Variants in CAMKK2 observed in about 807,000 individuals in gnomAD.
CAMKK2 encodes calcium/calmodulin dependent protein kinase kinase 2.
Under a neutral mutation model 67.2 loss-of-function variants are expected in CAMKK2, and 30 were observed. The observed-to-expected ratio is 0.45, with a 90% CI of 0.33 to 0.61. The LOEUF (loss-of-function observed/expected upper bound fraction) is 0.61, where lower values mean the gene tolerates loss of function less well. CAMKK2 is among the 20% of genes least tolerant of loss of function. CAMKK2 has a pLI of 0.02. For missense variants in CAMKK2, 643 were observed against 802.0 expected (o/e 0.80, Z 2.39); for synonymous variants, 322 against 326.2 (o/e 0.99, Z 0.14).
At chr12:121,271,078 C>T (rs756846035) in intron 2 of CAMKK2, 133 bp from the exon 3 acceptor site, 34 of 687,578 alleles carry the variant, frequency 4.9e-5, no homozygotes, top group Non-Finnish European at 8.0e-5. Context: ...AGTTCCAGAC[C>T]AGCCTGGCCA....
chr12:121,256,646 A>G (rs1892354255), intron 7 of CAMKK2, among the ~76,000 whole-genome samples: 1 of 152,138 alleles, frequency 6.6e-6, no homozygotes, highest in African/African-American at 2.4e-5. Flanking sequence ...ATGGAATTGT[A>G]CACTATGTGG....
chr12:121,260,718 C>T (rs1474542195), intron 6 of CAMKK2, among the ~76,000 whole-genome samples: 1 of 152,028 alleles, frequency 6.6e-6, no homozygotes, highest in East Asian at 1.9e-4. Context: ...TTTGGGAGGC[C>T]GAGGCGGGCG....
At chr12:121,255,235 T>TATATATATAA (rs1403218346) in intron 9 of CAMKK2, among the ~76,000 whole-genome samples, 163 of 5,110 alleles carry the variant, frequency 0.032, 17 homozygotes, top group African/African-American at 0.12. Context: ...TATATATAAT[T>TATATATATAA]TTATATATAT....
In CAMKK2 at chr12:121,240,739, A is replaced by ATGCG; in HGVS notation, c.1723_1726dup (p.Met576ThrfsTer39). 6.2e-7 allele frequency: 1 copy of ATGCG among 1,609,132 alleles called. No homozygotes were observed. Among genetic ancestry groups the ATGCG allele is most frequent in the East Asian group, 2.2e-5 (1 of 44,870 alleles). On this transcript the variant is annotated frameshift_variant, in exon 17 of 17. Transcript: ENST00000404169. LOFTEE classifies it high-confidence loss of function. The surrounding 1 kb of genome is among the most constrained non-coding windows in gnomAD (Gnocchi z 4.4). ...GGCCTCCTCCGGCCGCAGTGGATGC[A>ATGCG]TGCGTGCGGGGGAGCCGGGGGCGGG...
At position 121,248,623 on chromosome 12, in the gene CAMKK2, G is replaced by A; in HGVS notation, c.1435C>T (p.Pro479Ser). The A allele has an allele frequency of 6.2e-7, 1 of 1,614,200 alleles. No homozygotes were observed. The highest frequency in any genetic ancestry group is 1.7e-5 in the Admixed American group (1 of 60,036). The change falls in exon 14 of 17, where the codon CCC (proline) becomes TCC (serine). Residue 479 changes from proline (P) to serine (S), a missense_variant. By Grantham distance (74) the Pro-to-Ser change is moderately conservative (BLOSUM62 -1). Around this residue, in one of 3 missense-constraint regions of CAMKK2, gnomAD observed 20 missense variants for 52.0 expected, o/e 0.38. Transcript: ENST00000404169. The part of the protein sequence containing the change: ...EEVENSVKHI[P>S]SLATVILVKT... ...CACCTTACCACGGTTGCCAAGCTGGGAATGTGTTTGACTGAGTTCTCGACC... is the reference window on the plus strand; with the variant it reads ...CACCTTACCACGGTTGCCAAGCTGGAAATGTGTTTGACTGAGTTCTCGACC...
In CAMKK2 at chr12:121,255,304, T is replaced by TATATATAATTTTATATATAATTA; in HGVS notation, c.907+245_907+246insTAATTATATATAAAATTATATAT. ...TATATATATAATTATATATATAATT[T>TATATATAATTTTATATATAATTA]TATATATAATTTTATATATATATAA... On this transcript the variant is annotated intron_variant, in intron 9 of 16. Coordinates refer to ENST00000404169, the MANE Select transcript of CAMKK2 (RefSeq NM_001270485.2). Among the ~76,000 whole-genome samples the TATATATAATTTTATATATAATTA allele has an allele frequency of 5.7e-3, 34 of 6,000 alleles. 4 individuals are homozygous for TATATATAATTTTATATATAATTA. The highest frequency in any genetic ancestry group is 9.6e-3 in the East Asian group (1 of 104). 3.9% of individuals were successfully genotyped at this position (6,000 alleles called of 152,430 possible). A position where few individuals can be genotyped will look rare whatever the true frequency, so the allele number is the denominator to read the frequency against.
Position 121,239,831 on chromosome 12 carries a change from A to C in CAMKK2, c.*868T>G, listed in dbSNP as rs1566021852. On this transcript the variant is annotated 3_prime_UTR_variant, in exon 17 of 17. Transcript: ENST00000404169. ...GTGCTCTAGAGTTCACTCTAGTTAG[A>C]GACTTGAAAAATGTTTTTGTTTAAT... 1 of 152,736 alleles carries C rather than the reference A, an allele frequency of 6.5e-6. No homozygotes were observed. Among genetic ancestry groups the C allele is most frequent in the Non-Finnish European group, 1.5e-5 (1 of 68,454 alleles). The allele number at this position is 152,736 out of a possible 1,614,324, so 9.5% of individuals were successfully genotyped here.
upstream of CAMKK2, chr12:121,297,801 C>A (rs139343593): frequency 9.0e-4 from 411 of 458,328 alleles, 4 homozygotes; most frequent in African/African-American, 7.2e-3. Context: ...TCTTGTATTT[C>A]TAGGCCGTAG....
intron 1 of CAMKK2, among the ~76,000 whole-genome samples, chr12:121,287,195 T>C (rs1283839743): frequency 6.6e-6 from 1 of 152,200 alleles, no homozygotes; most frequent in East Asian, 1.9e-4. Flanking sequence ...CATGAGCCAC[T>C]GTGCCTAGCT....
intron 16 of CAMKK2, among the ~76,000 whole-genome samples, chr12:121,242,933 G>A (rs535190685): frequency 4.1e-4 from 63 of 152,048 alleles, no homozygotes; most frequent in African/African-American, 1.4e-3. Flanking sequence ...TAGTAGAGAC[G>A]GGGTTTCACT....
chr12:121,243,888 G>A, intron 16 of CAMKK2: 1 of 1,384,024 alleles, frequency 7.2e-7, no homozygotes, highest in Non-Finnish European at 9.4e-7. Flanking sequence ...TAGCCATGAT[G>A]TGCTCAGTGG....
chr12:121,289,764 G>A (rs138861770), intron 1 of CAMKK2, among the ~76,000 whole-genome samples: 111 of 152,166 alleles, frequency 7.3e-4, no homozygotes, highest in Non-Finnish European at 1.2e-3. Context: ...GTGATGGGAC[G>A]TGCCTGTAAT....
In CAMKK2 at chr12:121,239,214, C is replaced by A. The variant is rs1887966582; in HGVS notation, c.*1485G>T. 1.3e-5 allele frequency: 2 copies of A among 152,168 alleles called. No individual in the cohort carries two copies. Among genetic ancestry groups the A allele is most frequent in the Non-Finnish European group, 2.9e-5 (2 of 68,052 alleles). 9.4% of individuals were successfully genotyped at this position (152,168 alleles called of 1,614,324 possible). A position where few individuals can be genotyped will look rare whatever the true frequency, so the allele number is the denominator to read the frequency against. On this transcript the variant is annotated 3_prime_UTR_variant, in exon 17 of 17. Transcript: ENST00000404169. The stretch of plus-strand genomic sequence containing the variant: ...ATGGGGAAGCAGAGTTTCCCGGTGC[C>A]GTCTTTCCCCAGCCCAGATTCCACC...
chr12:121,273,141 A>G (rs973222853), intron 2 of CAMKK2, among the ~76,000 whole-genome samples: 1 of 152,148 alleles, frequency 6.6e-6, no homozygotes, highest in Non-Finnish European at 1.5e-5. Context: ...GAAAGCAAAT[A>G]GGGCCATGGG....
upstream of CAMKK2, chr12:121,296,824 G>T (rs1291977488): frequency 6.1e-5 from 9 of 147,988 alleles, no homozygotes; most frequent in Admixed American, 6.0e-4. The surrounding 1 kb of genome is among the most constrained non-coding windows in gnomAD (Gnocchi z 7.1). Context: ...CGCGGGGATT[G>T]GCCACGGCGG....
chr12:121,293,927 TTTTTG>T (rs547310614), intron 1 of CAMKK2, among the ~76,000 whole-genome samples: 90 of 151,836 alleles, frequency 5.9e-4, no homozygotes, highest in Non-Finnish European at 1.0e-3. Context: ...GGGTGATTTT[TTTTTG>T]TTTTTTGTTT....
At chr12:121,242,342 CAA>C (rs111365408) in intron 16 of CAMKK2, among the ~76,000 whole-genome samples, 5 of 126,774 alleles carry the variant, frequency 3.9e-5, no homozygotes, top group African/African-American at 2.9e-5. Context: ...GACCCTGTCT[CAA>C]AAAAAAAAAA....
At chr12:121,257,842 C>G (rs1212459612) in intron 7 of CAMKK2, among the ~76,000 whole-genome samples, 1 of 152,106 alleles carries the variant, frequency 6.6e-6, no homozygotes, top group Non-Finnish European at 1.5e-5. Context: ...TCTTCACTTG[C>G]AAGCTTCATG....
chr12:121,257,964 G>T (rs1278184579), intron 7 of CAMKK2, among the ~76,000 whole-genome samples: 2 of 151,846 alleles, frequency 1.3e-5, no homozygotes, highest in Admixed American at 6.6e-5. Context: ...AACCACTTTT[G>T]GGGCTGAGCA....
Sources: gnomAD v4.1 joint callset for allele counts (sites outside exome capture counted in the v4.1 genomes callset) on GRCh38, gnomAD v4.1.1 for gene constraint, gnomAD v4.1.1 regional missense constraint, Gnocchi (gnomAD v3.1) non-coding constraint, MANE v1.5 for transcripts, NCBI Gene and HGNC (gene_info 2026-07-23, HGNC 2026-07-21) for gene names.